The following GPC5 variants were observed in gnomAD, a reference collection of about 807,000 sequenced individuals.
GPC5 encodes glypican 5, also known as glypican-5.
Under a neutral mutation model 53.9 loss-of-function variants are expected in GPC5, and 47 were observed. That is an observed-to-expected ratio of 0.87 (90% CI 0.69 to 1.11). The LOEUF is 1.11. GPC5 is among the 50% of genes most tolerant of loss of function. The probability of loss-of-function intolerance (pLI) is 0.00; values close to 1 mark genes in which losing one functional copy is unlikely to be tolerated. For missense variants in GPC5, 748 were observed against 713.1 expected, an observed-to-expected ratio of 1.05 and a Z score of -0.56; for synonymous variants, 286 against 263.3, an observed-to-expected ratio of 1.09 and a Z score of -0.84.
intron 3 of GPC5, among the ~76,000 whole-genome samples, chr13:91,702,052 A>T: frequency 6.6e-6 from 1 of 152,092 alleles, no homozygotes; most frequent in East Asian, 1.9e-4. Flanking sequence ...GATTCATGAT[A>T]TTAAACATTT....
chr13:92,728,066 T>G (rs566146832), intron 7 of GPC5, among the ~76,000 whole-genome samples: 1 of 151,620 alleles, frequency 6.6e-6, no homozygotes, highest in African/African-American at 2.4e-5. Context: ...AATGTAGAAC[T>G]ACAATGTTTC....
chr13:92,613,394 A>G (rs9516099), intron 7 of GPC5, among the ~76,000 whole-genome samples: 11 of 64,708 alleles, frequency 1.7e-4, no homozygotes, highest in South Asian at 2.0e-3. Context: ...ATTATATATA[A>G]ATATATATTA....
chr13:92,574,755 A>T (rs1307027042), intron 7 of GPC5, among the ~76,000 whole-genome samples: 1 of 152,200 alleles, frequency 6.6e-6, no homozygotes, highest in African/African-American at 2.4e-5. Context: ...AGAGCAGCTG[A>T]GATTGCCCTA....
intron 7 of GPC5, among the ~76,000 whole-genome samples, chr13:92,786,154 T>G (rs1359633272): frequency 2.0e-5 from 3 of 152,168 alleles, no homozygotes; most frequent in Non-Finnish European, 2.9e-5. Context: ...ATCTTTATAT[T>G]GCTAAGCCAC....
chr13:92,445,686 G>T (rs1436651359), intron 7 of GPC5, among the ~76,000 whole-genome samples: 1 of 151,674 alleles, frequency 6.6e-6, no homozygotes, highest in Non-Finnish European at 1.5e-5. Context: ...TGGTGTATAT[G>T]TGCCACATTT....
intron 5 of GPC5, among the ~76,000 whole-genome samples, chr13:91,766,229 C>A (rs966497069): frequency 2.6e-5 from 4 of 152,150 alleles, no homozygotes; most frequent in East Asian, 1.9e-4. Flanking sequence ...AGCAAGAAAG[C>A]GAGTGGGAGC....
At chr13:91,658,601 A>G (rs80351610) in intron 2 of GPC5, among the ~76,000 whole-genome samples, 5,054 of 152,194 alleles carry the variant, frequency 0.033, 142 homozygotes, top group African/African-American at 0.065. Flanking sequence ...TAATTATTGC[A>G]TCTGAATCAT....
At chr13:92,421,591 C>T (rs1307605180) in intron 7 of GPC5, among the ~76,000 whole-genome samples, 1 of 145,824 alleles carries the variant, frequency 6.9e-6, no homozygotes, top group Non-Finnish European at 1.5e-5. Context: ...CCCAGCTACT[C>T]GGGAGGCTGA....
chr13:92,392,276 T>C (rs1198585168), intron 7 of GPC5, among the ~76,000 whole-genome samples: 1 of 152,122 alleles, frequency 6.6e-6, no homozygotes, highest in Non-Finnish European at 1.5e-5. Context: ...TTTGATGATA[T>C]AATGCTGTTT....
chr13:92,030,136 A>G (rs1251637397), intron 6 of GPC5, among the ~76,000 whole-genome samples: 1 of 152,226 alleles, frequency 6.6e-6, no homozygotes, highest in East Asian at 1.9e-4. Context: ...TTGAACAGAA[A>G]GAAAAGAAGG....
At chr13:91,871,639 A>C (rs1034252628) in intron 5 of GPC5, among the ~76,000 whole-genome samples, 2 of 152,150 alleles carry the variant, frequency 1.3e-5, no homozygotes, top group African/African-American at 2.4e-5. Context: ...CAATGTTCTA[A>C]AATTTTAGTA....
At chr13:91,433,788 G>C (rs140377396) in intron 1 of GPC5, among the ~76,000 whole-genome samples, 5,008 of 151,394 alleles carry the variant, frequency 0.033, 125 homozygotes, top group Middle Eastern at 0.065. Flanking sequence ...TGACTTCCAC[G>C]ATGGTTGAAC....
At chr13:92,078,531 G>A (rs1209221326) in intron 6 of GPC5, among the ~76,000 whole-genome samples, 1 of 152,144 alleles carries the variant, frequency 6.6e-6, no homozygotes, top group Non-Finnish European at 1.5e-5. Flanking sequence ...GCCATGATTA[G>A]TATTTTCATC....
intron 7 of GPC5, among the ~76,000 whole-genome samples, chr13:92,305,530 G>A (rs2043105184): frequency 1.3e-5 from 2 of 151,434 alleles, no homozygotes; most frequent in South Asian, 4.2e-4. Flanking sequence ...AAATTTCACG[G>A]ACTGTAAAAC....
chr13:92,500,074 T>A (rs974419), intron 7 of GPC5, among the ~76,000 whole-genome samples: 88,011 of 151,932 alleles, frequency 0.58, 26,296 homozygotes, highest in East Asian at 0.75. Context: ...TTCTCCAGCC[T>A]GGACTCAAGT....
chr13:92,319,513 T>C (rs904146905), intron 7 of GPC5, among the ~76,000 whole-genome samples: 1 of 152,086 alleles, frequency 6.6e-6, no homozygotes, highest in African/African-American at 2.4e-5. Flanking sequence ...TGTGAACCAC[T>C]TCTCATATCT....
At chr13:92,672,323 C>A (rs1886781237) in intron 7 of GPC5, among the ~76,000 whole-genome samples, 1 of 152,172 alleles carries the variant, frequency 6.6e-6, no homozygotes, top group Admixed American at 6.5e-5. Context: ...CAAATCAAGA[C>A]CACAGTAAGA....
At chr13:92,625,620 G>A (rs545630688) in intron 7 of GPC5, among the ~76,000 whole-genome samples, 11 of 152,248 alleles carry the variant, frequency 7.2e-5, no homozygotes, top group East Asian at 1.9e-4. Context: ...CTCAACTAAC[G>A]AAGACCTTTT....
intron 7 of GPC5, among the ~76,000 whole-genome samples, chr13:92,212,949 A>G (rs2042385543): frequency 6.6e-6 from 1 of 152,190 alleles, no homozygotes; most frequent in Non-Finnish European, 1.5e-5. Context: ...TCCCTTGGCA[A>G]TGTAGCCAGT....
Sources: allele counts gnomAD v4.1 joint callset (sites outside exome capture counted in the v4.1 genomes callset), GRCh38; gene constraint gnomAD v4.1.1; transcripts MANE v1.5; gene names NCBI Gene and HGNC (gene_info 2026-07-23, HGNC 2026-07-21).